Variants in PALS2 observed in about 807,000 individuals in gnomAD.
PALS2 encodes the protein protein PALS2.
PALS2 carries 27 observed loss-of-function variants against 61.6 expected under a neutral mutation model. The ratio of observed to expected loss-of-function variants is 0.44; its 90% CI spans 0.32 to 0.60. The LOEUF (loss-of-function observed/expected upper bound fraction) is 0.60, where lower values mean the gene tolerates loss of function less well. Ranked by LOEUF, PALS2 falls within the 20% of genes least tolerant of loss-of-function variation. The probability of loss-of-function intolerance (pLI) is 0.05; values close to 1 mark genes in which losing one functional copy is unlikely to be tolerated. For missense variants in PALS2, 554 were observed against 639.4 expected, an observed-to-expected ratio of 0.87 and a Z score of 1.44; for synonymous variants, 236 against 218.6, an observed-to-expected ratio of 1.08 and a Z score of -0.70.
At chr7:24,602,359 A>G (rs1306589779) in intron 1 of PALS2, among the ~76,000 whole-genome samples, 2 of 152,128 alleles carry the variant, frequency 1.3e-5, no homozygotes, top group African/African-American at 2.4e-5. Flanking sequence ...TCAGCTATCC[A>G]GTATCCCAAG....
chr7:24,597,763 G>T (rs1783576778), intron 1 of PALS2, among the ~76,000 whole-genome samples: 1 of 152,150 alleles, frequency 6.6e-6, no homozygotes, highest in Non-Finnish European at 1.5e-5. Flanking sequence ...TTCTGCAAGT[G>T]AAAGGGAATT....
At chr7:24,658,560 C>CTT (rs35030453) in intron 5 of PALS2, among the ~76,000 whole-genome samples, 3 of 135,048 alleles carry the variant, frequency 2.2e-5, no homozygotes, top group Non-Finnish European at 1.6e-5. Context: ...TTTCTTCCAA[C>CTT]TTTTTTTTTT....
Position 24,687,294 on chromosome 7 carries a change from C to T in PALS2, c.1447-144C>T, listed in dbSNP as rs958281428. Reference sequence around the variant, plus strand: ...GAACAGATGGCAGTGTTGTCTTTAACACTATATGGATTAGATTTTGAAGAT... The same window carrying T: ...GAACAGATGGCAGTGTTGTCTTTAATACTATATGGATTAGATTTTGAAGAT... On this transcript the variant is annotated intron_variant, in intron 11 of 11. Transcript: ENST00000222644. The surrounding 1 kb of genome is among the most constrained non-coding windows in gnomAD (Gnocchi z 4.5). 4.8e-6 allele frequency: 3 copies of T among 619,030 alleles called. No homozygotes were observed. Among genetic ancestry groups the T allele is most frequent in the Non-Finnish European group, 5.5e-6 (2 of 366,138 alleles). The allele number at this position is 619,030 out of a possible 1,614,324, so 38.3% of individuals were successfully genotyped here. A position where few individuals can be genotyped will look rare whatever the true frequency, so the allele number is the denominator to read the frequency against.
At chr7:24,678,733 G>A (rs374885938) in intron 9 of PALS2, among the ~76,000 whole-genome samples, 2 of 152,140 alleles carry the variant, frequency 1.3e-5, no homozygotes, top group African/African-American at 4.8e-5. Context: ...CTGCTGCTAG[G>A]TAAATATACT....
chr7:24,589,393 C>A (rs1783198191), intron 1 of PALS2: 1 of 152,188 alleles, frequency 6.6e-6, no homozygotes, highest in Non-Finnish European at 1.5e-5. Context: ...CTTTCTTGGG[C>A]TTTTTGTCAG....
At chr7:24,665,193 G>C (rs533568540) in intron 6 of PALS2, among the ~76,000 whole-genome samples, 1 of 152,202 alleles carries the variant, frequency 6.6e-6, no homozygotes, top group African/African-American at 2.4e-5. Context: ...TTTTCATTTG[G>C]TTTGGCCTGA....
rs187267491 is a variant in PALS2, at chr7:24,692,474, C to A, written c.*4860C>A. ...CTGTGATATGGTGAACTGAAAAATCCTTATTAGGCTACTTTATCTGTTCTC... is the reference window on the plus strand; with the variant it reads ...CTGTGATATGGTGAACTGAAAAATCATTATTAGGCTACTTTATCTGTTCTC... On this transcript the variant is annotated 3_prime_UTR_variant, in exon 12 of 12. Transcript: ENST00000222644. 1 of 152,160 alleles carries A rather than the reference C, an allele frequency of 6.6e-6. No individual in the cohort carries two copies. Among genetic ancestry groups the A allele is most frequent in the East Asian group, 1.9e-4 (1 of 5,180 alleles). The allele number at this position is 152,160 out of a possible 1,614,324, so 9.4% of individuals were successfully genotyped here.
chr7:24,649,812 ATTTG>A, intron 4 of PALS2, 48 bp downstream of exon 4: 1 of 1,449,982 alleles, frequency 6.9e-7, no homozygotes, highest in Non-Finnish European at 9.2e-7. Context: ...ATATGACATA[ATTTG>A]TGGTTCAGTC....
At chr7:24,630,235 C>T (rs1198472612) in intron 2 of PALS2, among the ~76,000 whole-genome samples, 1 of 152,064 alleles carries the variant, frequency 6.6e-6, no homozygotes, top group Non-Finnish European at 1.5e-5. Flanking sequence ...GAGCAGAAAA[C>T]CAAACACCGC....
chr7:24,650,920 C>T (rs1315055470), intron 5 of PALS2, among the ~76,000 whole-genome samples: 1 of 152,118 alleles, frequency 6.6e-6, no homozygotes, highest in Non-Finnish European at 1.5e-5. Flanking sequence ...TAGATTTCTT[C>T]ATTAACACCA....
rs1786924947 is a variant in PALS2, at chr7:24,664,708, A to G, written c.784-880A>G. Among the ~76,000 whole-genome samples, 6 of 152,134 alleles carry G rather than the reference A, an allele frequency of 3.9e-5. No individual in the cohort carries two copies. In the South Asian group the frequency reaches 1.2e-3, roughly 31 times the overall value. The stretch of plus-strand genomic sequence containing the variant: ...AGACAGCTAAGAAATGGGTAAATTA[A>G]ACAGAATCCATGATTTCAAGAGGTT... On this transcript the variant is annotated intron_variant, in intron 6 of 11. Coordinates refer to ENST00000222644, the MANE Select transcript of PALS2 (RefSeq NM_001303037.2).
In PALS2 at chr7:24,687,636, G is replaced by A. The variant is rs775839165; in HGVS notation, c.*22G>A. The A allele has an allele frequency of 9.6e-6, 15 of 1,569,570 alleles. No individual in the cohort carries two copies. In the East Asian group the frequency reaches 3.4e-4, roughly 36 times the overall value. ...CTGATGATTCAGTAAGGTTAACAATGAAAATTAAACTCTTAAAAAGTGACT... is the reference window on the plus strand; with the variant it reads ...CTGATGATTCAGTAAGGTTAACAATAAAAATTAAACTCTTAAAAAGTGACT... On this transcript the variant is annotated 3_prime_UTR_variant, in exon 12 of 12. Transcript: ENST00000222644. This position sits in a 1 kb window ranked among gnomAD's most constrained non-coding sequence, Gnocchi z 4.5.
rs984959346 is a variant in PALS2 at position 24,600,028 on chromosome 7, C to A, written c.-2-23638C>A. ...CCTTCTTCTGGAATCTCCTGAAGAA[C>A]CTGCCTGAGGATCTTCTTGCGGGGG... On this transcript the variant is annotated intron_variant, in intron 1 of 11. Coordinates refer to ENST00000222644, the MANE Select transcript of PALS2 (RefSeq NM_001303037.2). Among the ~76,000 whole-genome samples the A allele has an allele frequency of 2.6e-5, 4 of 152,154 alleles. No homozygotes were observed. The East Asian group carries it at 7.7e-4, about 29-fold the overall frequency.
intron 11 of PALS2, among the ~76,000 whole-genome samples, chr7:24,684,976 G>A (rs572284907): frequency 6.6e-6 from 1 of 151,578 alleles, no homozygotes; most frequent in African/African-American, 2.4e-5. Context: ...TTAAGTTCCG[G>A]GGTGCATGTA....
chr7:24,624,138 C>G (rs1314972648), intron 2 of PALS2: 1 of 1,296,986 alleles, frequency 7.7e-7, no homozygotes, highest in African/African-American at 1.5e-5. Flanking sequence ...TTGCATTAGA[C>G]TGTGTACCTA....
At chr7:24,609,838 G>A (rs1370098291) in intron 1 of PALS2, among the ~76,000 whole-genome samples, 1 of 152,006 alleles carries the variant, frequency 6.6e-6, no homozygotes, top group Non-Finnish European at 1.5e-5. Flanking sequence ...TTCCTTAATG[G>A]CCTGGAATGA....
Position 24,598,126 on chromosome 7 carries a change from C to T in PALS2, c.-3+24533C>T, listed in dbSNP as rs149089758. ...TGCTAGGCCACTGGGGAGATCTTTTCACTGAGTCCAAATGTGAACTACATC... is the reference window on the plus strand; with the variant it reads ...TGCTAGGCCACTGGGGAGATCTTTTTACTGAGTCCAAATGTGAACTACATC... On this transcript the variant is annotated intron_variant, in intron 1 of 11. Coordinates refer to ENST00000222644, the MANE Select transcript of PALS2 (RefSeq NM_001303037.2). Among the ~76,000 whole-genome samples the T allele has an allele frequency of 2.5e-3, 376 of 152,240 alleles. 2 individuals are homozygous for T. Among genetic ancestry groups the T allele is most frequent in the African/African-American group, 8.7e-3 (360 of 41,552 alleles).
In PALS2 at chr7:24,691,921, A is replaced by G. The variant is rs1213394323; in HGVS notation, c.*4307A>G. On this transcript the variant is annotated 3_prime_UTR_variant, in exon 12 of 12. Transcript: ENST00000222644. ...TATATAGTACAAATGAATACTCACA[A>G]AATTTAAGAATACATTTGACTAATA... The G allele has an allele frequency of 6.6e-6, 1 of 152,146 alleles. No individual in the cohort carries two copies. The highest frequency in any genetic ancestry group is 1.5e-5 in the Non-Finnish European group (1 of 67,968). 9.4% of individuals were successfully genotyped at this position (152,146 alleles called of 1,614,324 possible).
intron 9 of PALS2, among the ~76,000 whole-genome samples, chr7:24,677,914 G>A (rs1355290067): frequency 6.6e-6 from 1 of 152,122 alleles, no homozygotes; most frequent in African/African-American, 2.4e-5. Context: ...GCATGAGTTT[G>A]AAGTTCATTT....
Sources: gnomAD v4.1 joint callset for allele counts (sites outside exome capture counted in the v4.1 genomes callset) on GRCh38, gnomAD v4.1.1 for gene constraint, Gnocchi (gnomAD v3.1) non-coding constraint, MANE v1.5 for transcripts, NCBI Gene and HGNC (gene_info 2026-07-23, HGNC 2026-07-21) for gene names.